The following NEDD9 variants were observed in gnomAD, a reference collection of about 807,000 sequenced individuals.
NEDD9 encodes enhancer of filamentation 1.
A neutral mutation model predicts 76.6 loss-of-function variants in NEDD9; 26 were observed. The observed-to-expected ratio is 0.34, with a 90% CI of 0.25 to 0.47. The LOEUF (loss-of-function observed/expected upper bound fraction) is 0.47. Ranked by LOEUF, NEDD9 falls within the 20% of genes least tolerant of loss-of-function variation. The probability of loss-of-function intolerance (pLI) is 1.00; values close to 1 mark genes in which losing one functional copy is unlikely to be tolerated. For synonymous variants in NEDD9, 392 were observed against 414.2 expected, an observed-to-expected ratio of 0.95 and a Z score of 0.65; for missense variants, 937 against 1,058.5, an observed-to-expected ratio of 0.89 and a Z score of 1.59.
At position 11,319,433 on chromosome 6, in the gene NEDD9, C is replaced by T. The variant is rs193151147; in HGVS notation, c.-152-13278G>A. On this transcript the variant is annotated intron_variant, in intron 2 of 3. Transcript: ENST00000397378. ...CCTCACATACAGTCACACATGCACA[C>T]TCACACACTAACATGTACACACACA... Among the ~76,000 whole-genome samples the T allele has an allele frequency of 3.2e-4, 48 of 151,904 alleles. No individual in the cohort carries two copies. In the Middle Eastern group the frequency reaches 0.017, roughly 54 times the overall value.
At chr6:11,189,842 T>C (rs17495484) in intron 5 of NEDD9, 122 bp downstream of exon 5, 37,924 of 1,259,100 alleles carry the variant, frequency 0.03, 695 homozygotes, top group South Asian at 0.047. Context: ...TTGTGAACCA[T>C]GTAGATTAAC....
chr6:11,282,997 AT>A (rs1760567894), intron 3 of NEDD9, among the ~76,000 whole-genome samples: 1 of 152,184 alleles, frequency 6.6e-6, no homozygotes, highest in South Asian at 2.1e-4. Context: ...CGATCTCTTT[AT>A]TGCAACCATA....
rs534766630 is a variant in NEDD9 at position 11,261,360 on chromosome 6, C to T, written c.12+44632G>A. On this transcript the variant is annotated intron_variant, in intron 3 of 3. Coordinates refer to the NEDD9 transcript ENST00000397378. ...AAGTAACTTTCTCCCTGGTATTCTG[C>T]AGAACCACAATTAGAACCTATGTCT... Among the ~76,000 whole-genome samples the T allele has an allele frequency of 2.1e-3, 314 of 152,272 alleles. 1 individual carries two copies. The highest frequency in any genetic ancestry group is 7.0e-3 in the African/African-American group (289 of 41,528).
chr6:11,333,056 AAGGAAGGGAGGGAGGGAGGG>A (rs1341716903), intron 2 of NEDD9, among the ~76,000 whole-genome samples: 1 of 143,516 alleles, frequency 7.0e-6, no homozygotes, highest in African/African-American at 2.6e-5. Context: ...GGAAGGAAGG[AAGGAAGGGAGGGAGGGAGGG>A]AGGGAGGGAG....
rs940326210 is a variant in NEDD9, at chr6:11,237,718, G to A, written c.13-23991C>T. The stretch of plus-strand genomic sequence containing the variant: ...GACTCTGAGCACATGCCACAGAGAT[G>A]GCAAAGCCCCCAAAGCCGAAGAAGA... On this transcript the variant is annotated intron_variant, in intron 3 of 3. Coordinates refer to the NEDD9 transcript ENST00000397378. The surrounding 1 kb of genome is among the most constrained non-coding windows in gnomAD (Gnocchi z 4.9). 2.6e-5 allele frequency among the ~76,000 whole-genome samples: 4 copies of A among 152,164 alleles called. No individual in the cohort carries two copies. The highest frequency in any genetic ancestry group is 4.4e-5 in the Non-Finnish European group (3 of 68,040).
At chr6:11,267,472 T>C (rs1760221862) in intron 3 of NEDD9, among the ~76,000 whole-genome samples, 1 of 152,188 alleles carries the variant, frequency 6.6e-6, no homozygotes, top group Admixed American at 6.5e-5. Flanking sequence ...GTACTTAGAC[T>C]TTATTTTACA....
At chr6:11,243,542 C>A (rs1299364245) in intron 3 of NEDD9, among the ~76,000 whole-genome samples, 1 of 152,158 alleles carries the variant, frequency 6.6e-6, no homozygotes, top group African/African-American at 2.4e-5. Context: ...TTGTCCAAGC[C>A]GGGGACTCTT....
intron 1 of NEDD9, among the ~76,000 whole-genome samples, chr6:11,231,985 A>T (rs1759482016): frequency 6.6e-6 from 1 of 152,168 alleles, no homozygotes; most frequent in African/African-American, 2.4e-5. Flanking sequence ...TCAGCTGTGT[A>T]ATCTGGGCTT....
intron 3 of NEDD9, among the ~76,000 whole-genome samples, chr6:11,254,117 C>G (rs981996594): frequency 6.6e-6 from 1 of 151,988 alleles, no homozygotes; most frequent in Non-Finnish European, 1.5e-5. Context: ...TTATCTGAAA[C>G]TTTTCTTTCT....
At chr6:11,207,989 C>T (rs1758660667) in intron 2 of NEDD9, among the ~76,000 whole-genome samples, 1 of 152,122 alleles carries the variant, frequency 6.6e-6, no homozygotes, top group Non-Finnish European at 1.5e-5. Flanking sequence ...ACCAGCCTGG[C>T]CAACATGGCA....
At chr6:11,304,119 A>G (rs1582011185) in intron 3 of NEDD9, among the ~76,000 whole-genome samples, 2 of 152,330 alleles carry the variant, frequency 1.3e-5, no homozygotes, top group Non-Finnish European at 2.9e-5. Context: ...CAAGAAATAA[A>G]CAAACAACCC....
intron 1 of NEDD9, among the ~76,000 whole-genome samples, chr6:11,226,506 G>C (rs982729338): frequency 6.6e-6 from 1 of 152,090 alleles, no homozygotes; most frequent in Non-Finnish European, 1.5e-5. Flanking sequence ...ACCCTAAAAT[G>C]ATCTAAACAT....
intron 2 of NEDD9, among the ~76,000 whole-genome samples, chr6:11,326,600 C>G (rs1211626465): frequency 6.6e-6 from 1 of 152,206 alleles, no homozygotes; most frequent in Non-Finnish European, 1.5e-5. Context: ...TGGTGTTTTA[C>G]ATTGTATTTT....
At chr6:11,363,478 G>C (rs890277572) in intron 1 of NEDD9, among the ~76,000 whole-genome samples, 2 of 152,108 alleles carry the variant, frequency 1.3e-5, no homozygotes, top group East Asian at 3.8e-4. Context: ...TCATGGAATG[G>C]GGGGGAAGTC....
chr6:11,361,873 G>T (rs186387285), intron 1 of NEDD9, among the ~76,000 whole-genome samples: 6 of 152,290 alleles, frequency 3.9e-5, no homozygotes, highest in Admixed American at 3.9e-4. Context: ...TGTTCAAGAA[G>T]TAGGTGGTAT....
At chr6:11,369,403 A>G (rs1419070500) in intron 1 of NEDD9, among the ~76,000 whole-genome samples, 1 of 152,216 alleles carries the variant, frequency 6.6e-6, no homozygotes, top group East Asian at 1.9e-4. Flanking sequence ...ATTTTTAAGT[A>G]AAATAATCTT....
At chr6:11,345,717 A>C (rs1322656226) in intron 1 of NEDD9, among the ~76,000 whole-genome samples, 3 of 152,220 alleles carry the variant, frequency 2.0e-5, no homozygotes, top group Non-Finnish European at 4.4e-5. Context: ...ACACTGGTAG[A>C]GGACTTTTCT....
At chr6:11,332,698 G>A (rs1389599923) in intron 2 of NEDD9, among the ~76,000 whole-genome samples, 5 of 152,188 alleles carry the variant, frequency 3.3e-5, no homozygotes, top group Non-Finnish European at 7.3e-5. Flanking sequence ...CTGGGTGAGT[G>A]TGCTCTGGAA....
At chr6:11,299,641 G>A (rs1760990142) in intron 3 of NEDD9, among the ~76,000 whole-genome samples, 1 of 152,170 alleles carries the variant, frequency 6.6e-6, no homozygotes, top group African/African-American at 2.4e-5. Flanking sequence ...GTGCCCCCCT[G>A]GGACGAAGCT....
Sources: gnomAD v4.1 joint callset for allele counts (sites outside exome capture counted in the v4.1 genomes callset) on GRCh38, gnomAD v4.1.1 for gene constraint, Gnocchi (gnomAD v3.1) non-coding constraint, MANE v1.5 for transcripts, NCBI Gene and HGNC (gene_info 2026-07-23, HGNC 2026-07-21) for gene names.